GPHN: variants seen among roughly 807,000 people sequenced by gnomAD.
The protein encoded by GPHN is gephyrin.
GPHN carries 17 observed loss-of-function variants against 95.5 expected under a neutral mutation model. The ratio of observed to expected loss-of-function variants is 0.18; its 90% CI spans 0.12 to 0.27. The LOEUF (loss-of-function observed/expected upper bound fraction) is 0.27. Ranked by LOEUF, GPHN falls within the 10% of genes least tolerant of loss-of-function variation. The pLI, the probability that GPHN is intolerant of heterozygous loss-of-function variation, is 1.00. For synonymous variants in GPHN, 320 were observed against 322.5 expected (o/e 0.99, Z 0.08); for missense variants, 660 against 978.1 (o/e 0.67, Z 4.34).
the GPHN span, among the ~76,000 whole-genome samples, chr14:67,407,671 C>T: frequency 6.6e-6 from 1 of 151,998 alleles, no homozygotes; most frequent in Non-Finnish European, 1.5e-5. Context: ...GAACTCCTGG[C>T]CTCAAGCAAT....
chr14:67,141,057 A>G (rs138927122), intron 17 of GPHN, among the ~76,000 whole-genome samples: 2 of 152,156 alleles, frequency 1.3e-5, no homozygotes, highest in African/African-American at 4.8e-5. Flanking sequence ...TTGGCTGCCT[A>G]TGCAATGACT....
At chr14:67,589,830 T>C in the GPHN span, 2 of 1,184,712 alleles carry the variant, frequency 1.7e-6, no homozygotes, top group Non-Finnish European at 2.1e-6. Flanking sequence ...TTTGACATAC[T>C]GTGTCAAAAT....
At chr14:66,660,217 C>G (rs540767988) in intron 1 of GPHN, among the ~76,000 whole-genome samples, 1 of 151,956 alleles carries the variant, frequency 6.6e-6, no homozygotes, top group Non-Finnish European at 1.5e-5. Context: ...ATTTCTTGTA[C>G]GTACATATAG....
chr14:66,726,557 T>C (rs1323833144), intron 2 of GPHN, among the ~76,000 whole-genome samples: 2 of 152,222 alleles, frequency 1.3e-5, no homozygotes, highest in Non-Finnish European at 1.5e-5. Flanking sequence ...GGAAAATGAA[T>C]AGTCAGAGTA....
chr14:66,703,806 A>G (rs925931088), intron 2 of GPHN, among the ~76,000 whole-genome samples: 2 of 152,180 alleles, frequency 1.3e-5, no homozygotes, highest in African/African-American at 4.8e-5. Flanking sequence ...TTAAATGTAA[A>G]TGGGCTAAAT....
chr14:66,868,198 G>A (rs1329991769), intron 4 of GPHN, among the ~76,000 whole-genome samples: 1 of 152,194 alleles, frequency 6.6e-6, no homozygotes, highest in East Asian at 1.9e-4. Context: ...GGGCACTGCA[G>A]TAATTGTTAA....
chr14:66,606,756 A>T (rs968983727), intron 1 of GPHN, among the ~76,000 whole-genome samples: 4 of 151,998 alleles, frequency 2.6e-5, no homozygotes, highest in African/African-American at 9.7e-5. Context: ...TTTGGCTCTC[A>T]GGTAGAATGT....
chr14:67,301,617 G>T, the GPHN span: 2 of 498,180 alleles, frequency 4.0e-6, no homozygotes, highest in East Asian at 3.3e-5. Flanking sequence ...GTTATTGTTG[G>T]ATTATATATT....
chr14:67,212,167 G>C, the GPHN span, among the ~76,000 whole-genome samples: 1 of 152,156 alleles, frequency 6.6e-6, no homozygotes, highest in Non-Finnish European at 1.5e-5. Context: ...GTAAGGTTCT[G>C]AGAAGCATAG....
the GPHN span, chr14:67,333,204 C>T: frequency 2.9e-6 from 1 of 346,734 alleles, no homozygotes; most frequent in South Asian, 7.9e-5. Context: ...TGGAAGCTTT[C>T]AACAGAGCAT....
At chr14:66,618,627 T>C (rs1020366154) in intron 1 of GPHN, among the ~76,000 whole-genome samples, 3 of 152,120 alleles carry the variant, frequency 2.0e-5, no homozygotes, top group African/African-American at 7.2e-5. Context: ...ATGTCCTTGG[T>C]CATTTGGTTT....
At chr14:67,083,999 G>A (rs2076792623) in intron 11 of GPHN, among the ~76,000 whole-genome samples, 1 of 152,104 alleles carries the variant, frequency 6.6e-6, no homozygotes, top group African/African-American at 2.4e-5. Context: ...AACAGTGACT[G>A]AGTGCCTTTT....
At chr14:66,811,768 T>C (rs2060773927) in intron 3 of GPHN, among the ~76,000 whole-genome samples, 1 of 152,196 alleles carries the variant, frequency 6.6e-6, no homozygotes, top group African/African-American at 2.4e-5. Flanking sequence ...CTACATTTTA[T>C]TGACAAATAA....
the GPHN span, among the ~76,000 whole-genome samples, chr14:67,504,747 T>C: frequency 6.6e-6 from 1 of 152,012 alleles, no homozygotes; most frequent in African/African-American, 2.4e-5. Context: ...TATCTGGGCG[T>C]GGTGGCGGGT....
intron 2 of GPHN, among the ~76,000 whole-genome samples, chr14:66,724,144 T>A (rs962680588): frequency 6.6e-6 from 1 of 152,174 alleles, no homozygotes; most frequent in Non-Finnish European, 1.5e-5. Context: ...GCTTATACTT[T>A]TATTCAATTT....
At chr14:67,608,959 A>G in the GPHN span, among the ~76,000 whole-genome samples, 1 of 152,224 alleles carries the variant, frequency 6.6e-6, no homozygotes, top group African/African-American at 2.4e-5. Flanking sequence ...CCAAGAAAGC[A>G]GTTCGACACT....
At chr14:67,533,911 G>T in the GPHN span, among the ~76,000 whole-genome samples, 2 of 152,116 alleles carry the variant, frequency 1.3e-5, no homozygotes, top group Non-Finnish European at 2.9e-5. Flanking sequence ...TCTTAGCGAG[G>T]ACTCGGTCAC....
At chr14:66,790,413 G>T (rs2059931351) in intron 3 of GPHN, among the ~76,000 whole-genome samples, 1 of 152,244 alleles carries the variant, frequency 6.6e-6, no homozygotes, top group African/African-American at 2.4e-5. Flanking sequence ...CTAAGCTACA[G>T]CACTGGGCAA....
chr14:67,027,925 A>G (rs558799747), intron 10 of GPHN, among the ~76,000 whole-genome samples: 1 of 152,298 alleles, frequency 6.6e-6, no homozygotes, highest in South Asian at 2.1e-4. Flanking sequence ...AATATACAAT[A>G]CATTGATGTT....
Sources: gnomAD v4.1 joint callset for allele counts (sites outside exome capture counted in the v4.1 genomes callset) on GRCh38, gnomAD v4.1.1 for gene constraint, MANE v1.5 for transcripts, NCBI Gene and HGNC (gene_info 2026-07-23, HGNC 2026-07-21) for gene names.